PCDH15: variants seen among roughly 807,000 people sequenced by gnomAD.
The protein encoded by PCDH15 is protocadherin-15.
PCDH15 carries 129 observed loss-of-function variants against 178.5 expected under a neutral mutation model. That is an observed-to-expected ratio of 0.72 (90% CI 0.63 to 0.84). The LOEUF (loss-of-function observed/expected upper bound fraction) is 0.84. Ranked by LOEUF, PCDH15 falls within the 40% of genes least tolerant of loss-of-function variation. The probability of loss-of-function intolerance (pLI) is 0.00; values close to 1 mark genes in which losing one functional copy is unlikely to be tolerated. For missense variants in PCDH15, 2,230 were observed against 2,099.9 expected, an observed-to-expected ratio of 1.06 and a Z score of -1.21; for synonymous variants, 800 against 732.0, an observed-to-expected ratio of 1.09 and a Z score of -1.50.
intron 3 of PCDH15, among the ~76,000 whole-genome samples, chr10:54,817,704 C>A (rs1952971550): frequency 6.6e-6 from 1 of 151,854 alleles, no homozygotes; most frequent in Admixed American, 6.6e-5. Flanking sequence ...ACTATGAGAC[C>A]CATGTATATC....
At chr10:55,435,685 CAAT>C (rs1839022106) in intron 2 of PCDH15, among the ~76,000 whole-genome samples, 1 of 151,748 alleles carries the variant, frequency 6.6e-6, no homozygotes, top group African/African-American at 2.4e-5. Context: ...GGGTAACTTA[CAAT>C]GAGACAGGGA....
In PCDH15 at chr10:53,803,666, T is replaced by C. The variant is rs890194690; in HGVS notation, c.*2913A>G. On this transcript the variant is annotated 3_prime_UTR_variant, in exon 38 of 38. Transcript: ENST00000644397. ...AAATTGAGAGAGGGAGATTAACACC[T>C]GTGATTCGATGGTCATTAAGTCACA... 10 of 152,080 alleles carry C rather than the reference T, an allele frequency of 6.6e-5. No homozygotes were observed. Among genetic ancestry groups the C allele is most frequent in the Non-Finnish European group, 1.0e-4 (7 of 67,866 alleles). The allele number at this position is 152,080 out of a possible 1,614,324, so 9.4% of individuals were successfully genotyped here.
chr10:54,120,583 T>A (rs573548352), intron 15 of PCDH15, among the ~76,000 whole-genome samples: 1 of 152,088 alleles, frequency 6.6e-6, no homozygotes, highest in East Asian at 1.9e-4. Flanking sequence ...AGTAAAGAGA[T>A]GGAGTAAGAT....
intron 1 of PCDH15, among the ~76,000 whole-genome samples, chr10:55,259,125 C>T (rs1425784120): frequency 6.6e-6 from 1 of 152,124 alleles, no homozygotes; most frequent in Non-Finnish European, 1.5e-5. Context: ...CACTAATCAG[C>T]TTTCTGTGTG....
intron 22 of PCDH15, among the ~76,000 whole-genome samples, chr10:53,961,505 G>A (rs2088310790): frequency 6.6e-6 from 1 of 151,850 alleles, no homozygotes; most frequent in African/African-American, 2.4e-5. Flanking sequence ...ATATATTTGT[G>A]TTTGTATGAA....
At chr10:55,292,056 C>A (rs1352432477) in intron 1 of PCDH15, among the ~76,000 whole-genome samples, 1 of 152,126 alleles carries the variant, frequency 6.6e-6, no homozygotes, top group Admixed American at 6.5e-5. Context: ...TTATTCCCCC[C>A]TAGCCCCTTC....
chr10:54,721,279 A>T (rs1022318358), intron 1 of PCDH15, among the ~76,000 whole-genome samples: 2 of 151,938 alleles, frequency 1.3e-5, no homozygotes, highest in African/African-American at 4.8e-5. Context: ...TCTACATCAA[A>T]AAGAATGATC....
intron 1 of PCDH15, among the ~76,000 whole-genome samples, chr10:55,238,257 C>G (rs1841445312): frequency 6.7e-6 from 1 of 149,696 alleles, no homozygotes; most frequent in Admixed American, 6.8e-5. Flanking sequence ...TCACGCCATT[C>G]TCCTGCCTCA....
chr10:54,173,729 G>A (rs932261837), intron 13 of PCDH15, among the ~76,000 whole-genome samples: 1 of 152,042 alleles, frequency 6.6e-6, no homozygotes, highest in Non-Finnish European at 1.5e-5. Flanking sequence ...AAGAAGAAAA[G>A]TATGCAAAAA....
intron 3 of PCDH15, among the ~76,000 whole-genome samples, chr10:54,470,312 C>A (rs1473984325): frequency 6.6e-6 from 1 of 152,114 alleles, no homozygotes; most frequent in Non-Finnish European, 1.5e-5. Context: ...AAGCGTGTGG[C>A]GACCCTGCTG....
chr10:55,033,757 G>GA (rs1462459033), intron 2 of PCDH15, among the ~76,000 whole-genome samples: 2 of 152,044 alleles, frequency 1.3e-5, no homozygotes, highest in Non-Finnish European at 2.9e-5. Flanking sequence ...TTTTTAATGT[G>GA]AGAAAATCAT....
chr10:55,446,326 T>C (rs1052980469), intron 2 of PCDH15, among the ~76,000 whole-genome samples: 1 of 151,416 alleles, frequency 6.6e-6, no homozygotes, highest in Non-Finnish European at 1.5e-5. Context: ...TATATATATA[T>C]AAAACATTCT....
At chr10:53,972,960 T>G (rs1410392016) in intron 21 of PCDH15, among the ~76,000 whole-genome samples, 4 of 152,172 alleles carry the variant, frequency 2.6e-5, no homozygotes, top group Non-Finnish European at 5.9e-5. Context: ...CAAAGGATTA[T>G]AAATCATGCT....
At chr10:55,005,128 G>A (rs749691560) in intron 2 of PCDH15, among the ~76,000 whole-genome samples, 26 of 151,288 alleles carry the variant, frequency 1.7e-4, no homozygotes, top group Admixed American at 4.6e-4. Context: ...TCCCAGCTAC[G>A]TGAAAAGCTG....
chr10:55,507,377 A>T (rs1307231687), intron 2 of PCDH15, among the ~76,000 whole-genome samples: 1 of 150,924 alleles, frequency 6.6e-6, no homozygotes, highest in Non-Finnish European at 1.5e-5. Flanking sequence ...CACATACACA[A>T]ACACACACAC....
intron 3 of PCDH15, among the ~76,000 whole-genome samples, chr10:54,417,900 T>G (rs1274256402): frequency 6.6e-6 from 1 of 152,138 alleles, no homozygotes; most frequent in African/African-American, 2.4e-5. Context: ...CACATGCTAT[T>G]TGTTTATTTA....
At chr10:54,558,146 T>G (rs867818540) in intron 2 of PCDH15, among the ~76,000 whole-genome samples, 1 of 152,124 alleles carries the variant, frequency 6.6e-6, no homozygotes, top group African/African-American at 2.4e-5. Context: ...TGATTGATTA[T>G]TTGTGCAGAT....
chr10:55,535,759 G>A (rs1201381878), intron 2 of PCDH15, among the ~76,000 whole-genome samples: 1 of 151,838 alleles, frequency 6.6e-6, no homozygotes, highest in African/African-American at 2.4e-5. Context: ...TACTCTTTTT[G>A]CCTTATTTTA....
chr10:54,956,868 G>A (rs1215777793), intron 2 of PCDH15, among the ~76,000 whole-genome samples: 2 of 151,628 alleles, frequency 1.3e-5, no homozygotes, highest in African/African-American at 4.8e-5. Flanking sequence ...ACAATACATA[G>A]ATGAGGATAC....
Sources: gnomAD v4.1 joint callset for allele counts (sites outside exome capture counted in the v4.1 genomes callset) on GRCh38, gnomAD v4.1.1 for gene constraint, MANE v1.5 for transcripts, NCBI Gene and HGNC (gene_info 2026-07-23, HGNC 2026-07-21) for gene names.